Variants in PDE10A observed in about 807,000 individuals in gnomAD.
The protein encoded by PDE10A is cAMP and cAMP-inhibited cGMP 3',5'-cyclic phosphodiesterase 10A.
Under a neutral mutation model 97.7 loss-of-function variants are expected in PDE10A, and 39 were observed. That is an observed-to-expected ratio of 0.40 (90% CI 0.31 to 0.52). PDE10A has a LOEUF of 0.52. PDE10A is among the 20% of genes least tolerant of loss of function. PDE10A has a pLI of 0.56. For missense variants in PDE10A, 731 were observed against 1,047.8 expected (o/e 0.70, Z 4.17); for synonymous variants, 371 against 376.8 (o/e 0.98, Z 0.18).
chr6:165,680,097 G>C (rs1309631317), intron 1 of PDE10A, among the ~76,000 whole-genome samples: 1 of 152,022 alleles, frequency 6.6e-6, no homozygotes, highest in African/African-American at 2.4e-5. Flanking sequence ...GGTATTTTTA[G>C]GTACACCATT....
intron 1 of PDE10A, among the ~76,000 whole-genome samples, chr6:165,652,349 C>T (rs1323805838): frequency 6.6e-6 from 1 of 151,474 alleles, no homozygotes; most frequent in East Asian, 1.9e-4. Flanking sequence ...CTCAACCTCC[C>T]GGGCTATTTT....
At chr6:165,495,958 C>T (rs74428516) in intron 2 of PDE10A, among the ~76,000 whole-genome samples, 300 of 151,940 alleles carry the variant, frequency 2.0e-3, no homozygotes, top group African/African-American at 7.1e-3. Flanking sequence ...CTATATCATA[C>T]AGCGAGTTGG....
chr6:165,484,845 C>T lies in PDE10A; in HGVS notation c.995-2502G>A, dbSNP rs559370920. 2.6e-5 allele frequency among the ~76,000 whole-genome samples: 4 copies of T among 152,214 alleles called. No individual in the cohort carries two copies. The East Asian group carries it at 5.8e-4, about 22-fold the overall frequency. On this transcript the variant is annotated intron_variant, in intron 2 of 21. Transcript: ENST00000539869. ...ATTTTATTTACCACTTCCATCTGCA[C>T]CTCTTTCCCACACTATGCACTTGTC... is the stretch of plus-strand genomic sequence containing the variant.
At position 165,584,145 on chromosome 6, in the gene PDE10A, G is replaced by A. The variant is rs145228113; in HGVS notation, c.866-40577C>T. The stretch of plus-strand genomic sequence containing the variant: ...TGATCTTTCAGGTCCAATAGAGGCA[G>A]TTACAAAGTTGTGCCTGGCAGCCCT... On this transcript the variant is annotated intron_variant, in intron 1 of 21. Transcript: ENST00000539869. Among the ~76,000 whole-genome samples the A allele has an allele frequency of 4.1e-3, 625 of 152,284 alleles. 1 individual carries two copies. Among genetic ancestry groups the A allele is most frequent in the African/African-American group, 0.014 (597 of 41,552 alleles).
At chr6:165,436,493 C>T (rs577595426) in intron 5 of PDE10A, among the ~76,000 whole-genome samples, 107 of 152,052 alleles carry the variant, frequency 7.0e-4, no homozygotes, top group Non-Finnish European at 1.2e-3. Context: ...CAAAGCTTTG[C>T]TTTAACCTTG....
intron 1 of PDE10A, among the ~76,000 whole-genome samples, chr6:165,856,504 G>C (rs1044931671): frequency 3.3e-5 from 5 of 152,170 alleles, no homozygotes; most frequent in African/African-American, 9.7e-5. Flanking sequence ...GTCCATGAAG[G>C]CTTTGTGATT....
exon 1 of PDE10A, chr6:165,987,530 C>T (rs1168407758): frequency 5.5e-6 from 2 of 364,718 alleles, no homozygotes; most frequent in Non-Finnish European, 1.1e-5. Context: ...TCAACTTACC[C>T]GCCAAAGTAT....
chr6:165,854,381 A>T (rs1420762488), intron 1 of PDE10A, among the ~76,000 whole-genome samples: 1 of 152,136 alleles, frequency 6.6e-6, no homozygotes, highest in Admixed American at 6.5e-5. Context: ...TGAGGCCGGA[A>T]GGAGAGAAAG....
At chr6:165,935,782 G>T (rs868237258) in intron 1 of PDE10A, among the ~76,000 whole-genome samples, 1 of 152,140 alleles carries the variant, frequency 6.6e-6, no homozygotes, top group African/African-American at 2.4e-5. Flanking sequence ...TGGGTCCTGA[G>T]AAAAAGGATG....
At chr6:165,382,521 A>G (rs1785000971) in intron 17 of PDE10A, among the ~76,000 whole-genome samples, 1 of 152,154 alleles carries the variant, frequency 6.6e-6, no homozygotes, top group African/African-American at 2.4e-5. Flanking sequence ...CTATCTTTTA[A>G]TGTCATTCTG....
chr6:165,716,338 G>A (rs992299661), intron 1 of PDE10A, among the ~76,000 whole-genome samples: 2 of 152,200 alleles, frequency 1.3e-5, no homozygotes, highest in African/African-American at 4.8e-5. Flanking sequence ...CATGCAGAGA[G>A]GACACTTCAG....
chr6:165,708,679 C>T (rs1791785513), intron 1 of PDE10A, among the ~76,000 whole-genome samples: 1 of 151,414 alleles, frequency 6.6e-6, no homozygotes, highest in Non-Finnish European at 1.5e-5. Context: ...CCCACTCTCC[C>T]TCTCCATGCT....
intron 1 of PDE10A, among the ~76,000 whole-genome samples, chr6:165,702,862 C>T (rs1791614647): frequency 6.6e-6 from 1 of 152,084 alleles, no homozygotes; most frequent in Non-Finnish European, 1.5e-5. Context: ...CTCTGACGTT[C>T]CTAACACATG....
intron 1 of PDE10A, among the ~76,000 whole-genome samples, chr6:165,826,804 G>A (rs1013144708): frequency 6.6e-6 from 1 of 151,900 alleles, no homozygotes; most frequent in African/African-American, 2.4e-5. Context: ...GGGAGGCTGG[G>A]GGGCAGGGAG....
At chr6:165,908,333 G>C (rs957719917) in intron 1 of PDE10A, among the ~76,000 whole-genome samples, 30 of 152,156 alleles carry the variant, frequency 2.0e-4, no homozygotes, top group African/African-American at 7.2e-4. Flanking sequence ...CCTCCCAAAG[G>C]AGACAGTCCA....
At chr6:165,969,497 A>G (rs1784608884) in intron 1 of PDE10A, among the ~76,000 whole-genome samples, 1 of 152,152 alleles carries the variant, frequency 6.6e-6, no homozygotes, top group Non-Finnish European at 1.5e-5. Flanking sequence ...GAAGTAGCCC[A>G]GTTGTACTGG....
chr6:165,800,778 A>G (rs1345824172), intron 1 of PDE10A, among the ~76,000 whole-genome samples: 2 of 152,258 alleles, frequency 1.3e-5, no homozygotes, highest in Non-Finnish European at 2.9e-5. Context: ...GGAAATGGTT[A>G]GTAATAATGA....
chr6:165,835,751 C>A (rs138983275), intron 1 of PDE10A, among the ~76,000 whole-genome samples: 2 of 152,264 alleles, frequency 1.3e-5, no homozygotes, highest in African/African-American at 4.8e-5. Context: ...CAGCTCAGAA[C>A]GGCCTTGGCA....
rs567769567 is a variant in PDE10A, at chr6:165,883,380, C to G, written c.-615+104149G>C. ...CAACGTGGCAAAACCTTGTCTCTAC[C>G]AAGAATACAAAAATGGCCCAGAATG... is the stretch of plus-strand genomic sequence containing the variant. On this transcript the variant is annotated intron_variant, in intron 1 of 19. Coordinates refer to the PDE10A transcript ENST00000366882. Among the ~76,000 whole-genome samples the G allele has an allele frequency of 3.3e-4, 50 of 151,760 alleles. No homozygotes were observed. The Middle Eastern group carries it at 0.014, about 42-fold the overall frequency.
Sources: allele counts gnomAD v4.1 joint callset (sites outside exome capture counted in the v4.1 genomes callset), GRCh38; gene constraint gnomAD v4.1.1; transcripts MANE v1.5; gene names NCBI Gene and HGNC (gene_info 2026-07-23, HGNC 2026-07-21).